The following PHLDB3 variants were observed in gnomAD, a reference collection of about 807,000 sequenced individuals.
PHLDB3 encodes the protein pleckstrin homology like domain family B member 3, also known as pleckstrin homology-like domain family B member 3.
A neutral mutation model predicts 85.7 loss-of-function variants in PHLDB3; 86 were observed. The ratio of observed to expected loss-of-function variants is 1.00; its 90% CI spans 0.84 to 1.20. The LOEUF is 1.20. PHLDB3 is among the 50% of genes most tolerant of loss of function. The pLI, the probability that PHLDB3 is intolerant of heterozygous loss-of-function variation, is 0.00. For synonymous variants in PHLDB3, 376 were observed against 349.8 expected, an observed-to-expected ratio of 1.07 and a Z score of -0.83; for missense variants, 995 against 873.0, an observed-to-expected ratio of 1.14 and a Z score of -1.76.
rs747854589 is a variant in PHLDB3, at chr19:43,501,785, C to A, written c.483G>T (p.Leu161=). Residue 161 remains leucine (L), a synonymous_variant, in exon 4 of 16, where the codon CTG becomes CTT. Transcript: ENST00000292140. The part of the protein sequence containing the change: ...ARREEEQLRE[L]LEQQAASEQR... The stretch of plus-strand genomic sequence containing the variant: ...GCTCCGAGGCCGCCTGCTGCTCCAG[C>A]AGCTCCCGCAGCTGCTCCTCCTCCC... The A allele has an allele frequency of 1.9e-6, 3 of 1,585,170 alleles. No homozygotes were observed. In the Admixed American group the frequency reaches 5.3e-5, roughly 28 times the overall value.
chr19:43,492,710 G>A (rs942825297), intron 9 of PHLDB3, among the ~76,000 whole-genome samples: 14 of 151,402 alleles, frequency 9.2e-5, no homozygotes, highest in Admixed American at 6.6e-4. Context: ...CCACATACTA[G>A]CTGGTTAAAC....
intron 15 of PHLDB3, among the ~76,000 whole-genome samples, chr19:43,476,366 C>CA (rs1451500261): frequency 6.6e-6 from 1 of 152,046 alleles, no homozygotes; most frequent in African/African-American, 2.4e-5. Flanking sequence ...TCAGGCCGGC[C>CA]GGGCTGGGTG....
intron 9 of PHLDB3, among the ~76,000 whole-genome samples, chr19:43,490,003 C>A (rs1474953853): frequency 1.6e-5 from 2 of 125,422 alleles, no homozygotes; most frequent in African/African-American, 3.0e-5. Context: ...CAAGACTCTG[C>A]CAAAAAGGAA....
intron 8 of PHLDB3, among the ~76,000 whole-genome samples, 155 bp downstream of exon 8, chr19:43,495,101 C>T (rs1484336128): frequency 7.2e-5 from 10 of 138,252 alleles, no homozygotes; most frequent in African/African-American, 2.5e-4. Flanking sequence ...GCCTGGACTC[C>T]TGAGTCTGAG....
rs1184958464 is a variant in PHLDB3, at chr19:43,497,289, G to A, written c.664-10C>T. On this transcript the variant is annotated splice_polypyrimidine_tract_variant and intron_variant, in intron 5 of 15. Coordinates refer to ENST00000292140, the MANE Select transcript of PHLDB3 (RefSeq NM_198850.4). ...CCAGTTGTTCCCTCATCTATAGGTCGGAACACAAAAAGGGTGGAGGCCTGA... is the reference window on the plus strand; with the variant it reads ...CCAGTTGTTCCCTCATCTATAGGTCAGAACACAAAAAGGGTGGAGGCCTGA... The A allele has an allele frequency of 1.4e-5, 20 of 1,419,162 alleles. No individual in the cohort carries two copies. Among genetic ancestry groups the A allele is most frequent in the Non-Finnish European group, 1.7e-5 (18 of 1,082,008 alleles). 87.9% of individuals were successfully genotyped at this position (1,419,162 alleles called of 1,614,324 possible). A position where few individuals can be genotyped will look rare whatever the true frequency, so the allele number is the denominator to read the frequency against.
Position 43,479,398 on chromosome 19 carries a change from G to A in PHLDB3, c.1681C>T (p.Arg561Cys), listed in dbSNP as rs777014232. The A allele has an allele frequency of 4.2e-5, 66 of 1,562,666 alleles. No homozygotes were observed. The highest frequency in any genetic ancestry group is 2.9e-4 in the East Asian group (12 of 41,560). Residue 561 changes from arginine to cysteine, a missense_variant, in exon 14 of 16, where the codon CGC (arginine) becomes TGC (cysteine). Arg to Cys is a radical substitution (Grantham distance 180). Transcript: ENST00000292140. ...KRWFCFDRQA[R>C]RLAYYADKEE... Reference sequence around the variant, plus strand: ...TTACCCGCATAGTAGGCCAAGCGGCGGGCTTGGCGGTCAAAGCAGAACCAT... The same window carrying A: ...TTACCCGCATAGTAGGCCAAGCGGCAGGCTTGGCGGTCAAAGCAGAACCAT...
chr19:43,504,353 TC>T (rs1306491982), intron 1 of PHLDB3: 5 of 584,282 alleles, frequency 8.6e-6, no homozygotes, highest in Non-Finnish European at 1.5e-5. Context: ...GGAATTTGAG[TC>T]CGGGTCGTAG....
At chr19:43,487,485 G>GA (rs1159855558) in intron 9 of PHLDB3, among the ~76,000 whole-genome samples, 1 of 147,310 alleles carries the variant, frequency 6.8e-6, no homozygotes, top group Non-Finnish European at 1.5e-5. Context: ...TGAGGCAGAA[G>GA]AATCGCTTGA....
chr19:43,498,855 A>G (rs913434557), intron 4 of PHLDB3, among the ~76,000 whole-genome samples: 21 of 152,340 alleles, frequency 1.4e-4, no homozygotes, highest in Middle Eastern at 3.4e-3. Context: ...GCACAAATGC[A>G]TGAAAGTTGA....
chr19:43,497,365 A>G (rs1043658160), intron 5 of PHLDB3, 86 bp from the exon 6 acceptor site: 47 of 1,131,536 alleles, frequency 4.2e-5, no homozygotes, highest in Non-Finnish European at 5.4e-5. Flanking sequence ...TCCTGGTCAG[A>G]GGAAGAAGGT....
chr19:43,499,421 G>A (rs2145947148), intron 4 of PHLDB3, among the ~76,000 whole-genome samples: 1 of 152,140 alleles, frequency 6.6e-6, no homozygotes, highest in East Asian at 1.9e-4. Flanking sequence ...GAGGGAGGAG[G>A]AGCTGGGGGT....
At chr19:43,486,557 A>G (rs1971162949) in intron 12 of PHLDB3, 52 bp downstream of exon 12, 1 of 1,569,876 alleles carries the variant, frequency 6.4e-7, no homozygotes, top group Non-Finnish European at 8.6e-7. Context: ...GGTCTGAGGG[A>G]GGAGAGGCTG....
intron 9 of PHLDB3, among the ~76,000 whole-genome samples, chr19:43,492,992 C>T (rs1971355781): frequency 6.6e-6 from 1 of 151,852 alleles, no homozygotes; most frequent in Non-Finnish European, 1.5e-5. Flanking sequence ...AAATAAAAAC[C>T]AGTGGGCCAG....
chr19:43,485,075 TTAAA>T (rs1458716083), intron 13 of PHLDB3, among the ~76,000 whole-genome samples: 1 of 151,772 alleles, frequency 6.6e-6, no homozygotes, highest in Non-Finnish European at 1.5e-5. Flanking sequence ...AATTAAAATG[TTAAA>T]TAAAATAAAT....
intron 12 of PHLDB3, 71 bp from the exon 13 acceptor site, chr19:43,486,393 C>T: frequency 6.9e-7 from 1 of 1,454,766 alleles, no homozygotes; most frequent in East Asian, 2.4e-5. Context: ...GGAGAATGTC[C>T]TAGCTTCTCT....
In PHLDB3 at chr19:43,486,858, G is replaced by A. The variant is rs1435917816; in HGVS notation, c.1262C>T (p.Ala421Val). Residue 421 changes from alanine (A) to valine (V), a missense_variant, in exon 11 of 16, where the codon GCC becomes GTC. Ala to Val is a moderately conservative substitution (Grantham distance 64). Coordinates refer to ENST00000292140, the MANE Select transcript of PHLDB3 (RefSeq NM_198850.4). ...CCCCACTGCTGGCGGGAGAGCTGAG[G>A]CCTCCAGGGATTCTAGGGTAGAGGG... ...LSFHCTESLE[A>V]SALPPAVGDS... is the part of the protein sequence containing the mutation. 5 of 1,563,272 alleles carry A rather than the reference G, an allele frequency of 3.2e-6. No individual in the cohort carries two copies. The highest frequency in any genetic ancestry group is 4.3e-6 in the Non-Finnish European group (5 of 1,153,406).
intron 9 of PHLDB3, 44 bp downstream of exon 9, chr19:43,494,658 G>A: frequency 6.8e-7 from 1 of 1,472,526 alleles, no homozygotes; most frequent in Non-Finnish European, 9.3e-7. Context: ...CCTCCTCACT[G>A]ACCAATAAGA....
intron 2 of PHLDB3, among the ~76,000 whole-genome samples, chr19:43,503,492 A>G (rs1268585949): frequency 1.3e-5 from 2 of 151,166 alleles, no homozygotes; most frequent in Non-Finnish European, 2.9e-5. Flanking sequence ...TTTTTTCTCT[A>G]GAGACAGGGA....
rs181247797 is a variant in PHLDB3 at position 43,501,771 on chromosome 19, G to A, written c.497C>T (p.Ala166Val). Reference sequence around the variant, plus strand: ...CTGGCGGCCGCGCTGCTCCGAGGCCGCCTGCTGCTCCAGCAGCTCCCGCAG... The same window carrying A: ...CTGGCGGCCGCGCTGCTCCGAGGCCACCTGCTGCTCCAGCAGCTCCCGCAG... ...EQLRELLEQQ[A>V]ASEQRGRQQR... The change falls in exon 4 of 16, where the codon GCG becomes GTG. Residue 166 changes from alanine to valine, a missense_variant. Ala to Val is a moderately conservative substitution (Grantham distance 64). Transcript: ENST00000292140. The A allele has an allele frequency of 1.8e-4, 278 of 1,582,742 alleles. No individual in the cohort carries two copies. In the African/African-American group the frequency reaches 3.1e-3, roughly 18 times the overall value.
Sources: allele counts gnomAD v4.1 joint callset (sites outside exome capture counted in the v4.1 genomes callset), GRCh38; gene constraint gnomAD v4.1.1; transcripts MANE v1.5; gene names NCBI Gene and HGNC (gene_info 2026-07-23, HGNC 2026-07-21).